The following MAP3K4 variants were observed in gnomAD, a reference collection of about 807,000 sequenced individuals.
The protein encoded by MAP3K4 is MAP three kinase 1.
MAP3K4 carries 67 observed loss-of-function variants against 185.6 expected under a neutral mutation model. The ratio of observed to expected loss-of-function variants is 0.36; its 90% confidence interval spans 0.30 to 0.44. The LOEUF is 0.44. Among genes scored for constraint, MAP3K4 ranks in the 20% least tolerant of loss-of-function variants. The pLI is 1.00. For missense variants in MAP3K4, 1,551 were observed against 1,995.1 expected, an observed-to-expected ratio of 0.78 and a Z score of 4.24; for synonymous variants, 702 against 710.4, an observed-to-expected ratio of 0.99 and a Z score of 0.19.
In MAP3K4 at chr6:161,071,492, G is replaced by T. The variant is rs1562520560; in HGVS notation, c.1950+642G>T. ...TCCCCAAAAGAAGAAAGGTTGGTATGTTTTTTGTAGACTGTACGTGTCTAT... is the reference window on the plus strand; with the variant it reads ...TCCCCAAAAGAAGAAAGGTTGGTATTTTTTTTGTAGACTGTACGTGTCTAT... On this transcript the variant is annotated intron_variant, in intron 4 of 26. Transcript: ENST00000392142. This position sits in a 1 kb window ranked among gnomAD's most constrained non-coding sequence, Gnocchi z 4.6. Among the ~76,000 whole-genome samples, 1 of 152,156 alleles carries T rather than the reference G, an allele frequency of 6.6e-6. No homozygotes were observed. The highest frequency in any genetic ancestry group is 1.9e-4 in the East Asian group (1 of 5,206).
In MAP3K4 at chr6:161,073,700, C is replaced by A. The variant is rs1175263696; in HGVS notation, c.2097+88C>A. The A allele has an allele frequency of 1.6e-5, 22 of 1,334,836 alleles. No homozygotes were observed. The South Asian group carries it at 3.1e-4, about 19-fold the overall frequency. The allele number at this position is 1,334,836 out of a possible 1,614,324, so 82.7% of individuals were successfully genotyped here. A position where few individuals can be genotyped will look rare whatever the true frequency, so the allele number is the denominator to read the frequency against. ...CTGTATTTCCTTGTTTTGCAAACAG[C>A]GTTGGCATACATATTCAGATAAACT... On this transcript the variant is annotated intron_variant, in intron 5 of 26. Coordinates refer to ENST00000392142, the MANE Select transcript of MAP3K4 (RefSeq NM_005922.4). This position sits in a 1 kb window ranked among gnomAD's most constrained non-coding sequence, Gnocchi z 4.2.
intron 1 of MAP3K4, among the ~76,000 whole-genome samples, chr6:161,001,218 AAAT>A (rs1781308494): frequency 6.6e-6 from 1 of 150,624 alleles, no homozygotes; most frequent in African/African-American, 2.4e-5. Flanking sequence ...AATTTACAAA[AAAT>A]ATTTACAAAA....
chr6:161,058,511 T>G (rs1784341093), intron 3 of MAP3K4, among the ~76,000 whole-genome samples: 1 of 152,170 alleles, frequency 6.6e-6, no homozygotes, highest in Non-Finnish European at 1.5e-5. Context: ...ATCTAACACT[T>G]TTTTAAAAAA....
rs1785076369 is a variant in MAP3K4 at position 161,074,371 on chromosome 6, C to T, written c.2097+759C>T. ...TTAACCTCTGTTCACATTCTTCTTT[C>T]CTGTTAGAAATGCCCCCTCCTCCAC... is the stretch of plus-strand genomic sequence containing the variant. On this transcript the variant is annotated intron_variant, in intron 5 of 26. Coordinates refer to ENST00000392142, the MANE Select transcript of MAP3K4 (RefSeq NM_005922.4). This position sits in a 1 kb window ranked among gnomAD's most constrained non-coding sequence, Gnocchi z 5.0. Among the ~76,000 whole-genome samples the T allele has an allele frequency of 6.6e-6, 1 of 152,218 alleles. No individual in the cohort carries two copies. The highest frequency in any genetic ancestry group is 1.5e-5 in the Non-Finnish European group (1 of 68,040).
In MAP3K4 at chr6:161,053,968, A is replaced by G. The variant is rs1004498591; in HGVS notation, c.1707+3989A>G. ...AGATTGTACATAATGCATATTTTGC[A>G]GTTTTTGTGGTTTCGTGATAATAGG... On this transcript the variant is annotated intron_variant, in intron 3 of 26. Coordinates refer to ENST00000392142, the MANE Select transcript of MAP3K4 (RefSeq NM_005922.4). The surrounding 1 kb of genome is among the most constrained non-coding windows in gnomAD (Gnocchi z 4.2). Among the ~76,000 whole-genome samples the G allele has an allele frequency of 2.0e-5, 3 of 152,114 alleles. No individual in the cohort carries two copies. The highest frequency in any genetic ancestry group is 7.2e-5 in the African/African-American group (3 of 41,420).
rs1262016939 is a variant in MAP3K4, at chr6:161,080,860, C to G, written c.2098-21C>G. On this transcript the variant is annotated intron_variant, in intron 5 of 26. Coordinates refer to ENST00000392142, the MANE Select transcript of MAP3K4 (RefSeq NM_005922.4). This position sits in a 1 kb window ranked among gnomAD's most constrained non-coding sequence, Gnocchi z 4.8. ...CCAAGTTCTACTTTCAAATGTCTCCCTTTACTTTTTGTGTTTTAAGGTGTA... is the reference window on the plus strand; with the variant it reads ...CCAAGTTCTACTTTCAAATGTCTCCGTTTACTTTTTGTGTTTTAAGGTGTA... 6.2e-7 allele frequency: 1 copy of G among 1,611,194 alleles called. No individual in the cohort carries two copies. The highest frequency in any genetic ancestry group is 8.5e-7 in the Non-Finnish European group (1 of 1,178,294).
rs778740945 is a variant in MAP3K4, at chr6:161,084,610, G to A, written c.2365G>A (p.Glu789Lys). Residue 789 changes from glutamate to lysine, a missense_variant, in exon 7 of 27, where the codon GAA becomes AAA. By Grantham distance (56) the Glu-to-Lys change is moderately conservative. Transcript: ENST00000392142. This position sits in a 1 kb window ranked among gnomAD's most constrained non-coding sequence, Gnocchi z 4.6. ...TGCGGATGACAGCAGTGCTTCCGAC[G>A]AAATCAGGTTGGAGTTGTGCTTCCT... The part of the protein sequence containing the change: ...TSADDSSASD[E>K]IRRSVIEISR... 18 of 1,584,578 alleles carry A rather than the reference G, an allele frequency of 1.1e-5. No homozygotes were observed. The highest frequency in any genetic ancestry group is 2.2e-5 in the East Asian group (1 of 44,754).
At chr6:161,033,788 G>T (rs1783034471) in intron 1 of MAP3K4, among the ~76,000 whole-genome samples, 1 of 152,152 alleles carries the variant, frequency 6.6e-6, no homozygotes, top group Non-Finnish European at 1.5e-5. Context: ...TCTGTTTTCT[G>T]TGTGTTTCAA....
In MAP3K4 at chr6:161,064,839, A is replaced by T. The variant is rs1784633209; in HGVS notation, c.1708-5769A>T. 6.6e-6 allele frequency among the ~76,000 whole-genome samples: 1 copy of T among 152,184 alleles called. No homozygotes were observed. The highest frequency in any genetic ancestry group is 2.1e-4 in the South Asian group (1 of 4,828). On this transcript the variant is annotated intron_variant, in intron 3 of 26. Coordinates refer to ENST00000392142, the MANE Select transcript of MAP3K4 (RefSeq NM_005922.4). The surrounding 1 kb of genome is among the most constrained non-coding windows in gnomAD (Gnocchi z 4.3). ...TCTGGAGGGTACACGGCACGCCTACAGGCCGCTCATGCAGAGGTCAGGAAG... is the reference window on the plus strand; with the variant it reads ...TCTGGAGGGTACACGGCACGCCTACTGGCCGCTCATGCAGAGGTCAGGAAG...
chr6:161,019,339 CTCTGGTGTTACATT>C (rs1372993523), intron 1 of MAP3K4, among the ~76,000 whole-genome samples: 1 of 152,206 alleles, frequency 6.6e-6, no homozygotes. Context: ...ACTTTTACAT[CTCTGGTGTTACATT>C]TTGGAAACAT....
chr6:161,092,320 GA>G (rs913392728), intron 13 of MAP3K4, among the ~76,000 whole-genome samples, 177 bp downstream of exon 13: 2 of 151,946 alleles, frequency 1.3e-5, no homozygotes, highest in Admixed American at 1.3e-4. Flanking sequence ...TAACTCTTGG[GA>G]AAAAATTTTT....
At chr6:161,047,365 A>G (rs1783780907) in intron 2 of MAP3K4, among the ~76,000 whole-genome samples, 1 of 151,652 alleles carries the variant, frequency 6.6e-6, no homozygotes, top group Non-Finnish European at 1.5e-5. Flanking sequence ...ACTCGAGCCC[A>G]GGAAGTTGAG....
rs1378454643 is a variant in MAP3K4 at position 161,100,189 on chromosome 6, GTGAGTCAC to G, written c.3675-1700_3675-1693del. 7.2e-5 allele frequency among the ~76,000 whole-genome samples: 11 copies of G among 152,144 alleles called. No homozygotes were observed. The highest frequency in any genetic ancestry group is 2.4e-4 in the African/African-American group (10 of 41,438). ...CACAGTGAGCCTGGTTCATGGGCCC[GTGAGTCAC>G]TGGTGGATTCGGCCCACTGCTCCCG... On this transcript the variant is annotated intron_variant, in intron 17 of 26. Coordinates refer to ENST00000392142, the MANE Select transcript of MAP3K4 (RefSeq NM_005922.4). This position sits in a 1 kb window ranked among gnomAD's most constrained non-coding sequence, Gnocchi z 5.8.
rs879782192 is a variant in MAP3K4 at position 161,034,177 on chromosome 6, G to T, written c.153-82G>T. ...TTTTTCTGTACAAAAGTTTTACAAAGAATTATTTAAAAAATTATAAGTAAA... is the reference window on the plus strand; with the variant it reads ...TTTTTCTGTACAAAAGTTTTACAAATAATTATTTAAAAAATTATAAGTAAA... On this transcript the variant is annotated intron_variant, in intron 1 of 26. Coordinates refer to ENST00000392142, the MANE Select transcript of MAP3K4 (RefSeq NM_005922.4). This position sits in a 1 kb window ranked among gnomAD's most constrained non-coding sequence, Gnocchi z 4.4. 1.2e-5 allele frequency: 14 copies of T among 1,143,186 alleles called. No homozygotes were observed. The highest frequency in any genetic ancestry group is 1.6e-5 in the African/African-American group (1 of 63,272). 70.8% of individuals were successfully genotyped at this position (1,143,186 alleles called of 1,614,324 possible).
At chr6:161,102,390 T>A (rs772774965) in intron 18 of MAP3K4, among the ~76,000 whole-genome samples, 2 of 152,214 alleles carry the variant, frequency 1.3e-5, no homozygotes, top group East Asian at 3.8e-4. Flanking sequence ...GGAGTAGGGC[T>A]GGGGCTCCTG....
rs1035498828 is a variant in MAP3K4, at chr6:161,037,764, T to C, written c.343+3315T>C. Reference sequence around the variant, plus strand: ...AACACTTACTACTTTTTTTCTTGACTTAAATCTTAAAGCAAAATTAAATAA... The same window carrying C: ...AACACTTACTACTTTTTTTCTTGACCTAAATCTTAAAGCAAAATTAAATAA... On this transcript the variant is annotated intron_variant, in intron 2 of 26. Transcript: ENST00000392142. This position sits in a 1 kb window ranked among gnomAD's most constrained non-coding sequence, Gnocchi z 4.2. Among the ~76,000 whole-genome samples the C allele has an allele frequency of 6.6e-6, 1 of 152,180 alleles. No homozygotes were observed. The highest frequency in any genetic ancestry group is 2.4e-5 in the African/African-American group (1 of 41,446).
rs1406151555 is a variant in MAP3K4, at chr6:161,076,277, T to C, written c.2097+2665T>C. Among the ~76,000 whole-genome samples, 2 of 152,190 alleles carry C rather than the reference T, an allele frequency of 1.3e-5. No individual in the cohort carries two copies. The highest frequency in any genetic ancestry group is 4.8e-5 in the African/African-American group (2 of 41,450). ...TCTCTCCAGGGATTCTGTTGTTGACTGAAGAGCTGCCCGACAGAAGGAGCG... is the reference window on the plus strand; with the variant it reads ...TCTCTCCAGGGATTCTGTTGTTGACCGAAGAGCTGCCCGACAGAAGGAGCG... On this transcript the variant is annotated intron_variant, in intron 5 of 26. Transcript: ENST00000392142. The surrounding 1 kb of genome is among the most constrained non-coding windows in gnomAD (Gnocchi z 4.2).
At position 161,048,343 on chromosome 6, in the gene MAP3K4, C is replaced by T; in HGVS notation, c.344-273C>T. ...ATGATTTGATAACTATGCTTTGTAGCATAGAGAGAAATAAACAGCTAGTTT... is the reference window on the plus strand; with the variant it reads ...ATGATTTGATAACTATGCTTTGTAGTATAGAGAGAAATAAACAGCTAGTTT... On this transcript the variant is annotated intron_variant, in intron 2 of 26. Transcript: ENST00000392142. The surrounding 1 kb of genome is among the most constrained non-coding windows in gnomAD (Gnocchi z 4.7). The T allele has an allele frequency of 3.2e-6, 2 of 626,248 alleles. No homozygotes were observed. Among genetic ancestry groups the T allele is most frequent in the East Asian group, 3.7e-5 (1 of 26,760 alleles). The allele number at this position is 626,248 out of a possible 1,614,324, so 38.8% of individuals were successfully genotyped here.
chr6:161,008,390 A>G lies in MAP3K4; in HGVS notation c.152+16307A>G, dbSNP rs1186857087. 1.3e-5 allele frequency among the ~76,000 whole-genome samples: 2 copies of G among 152,118 alleles called. No homozygotes were observed. The highest frequency in any genetic ancestry group is 1.3e-4 in the Admixed American group (2 of 15,280). On this transcript the variant is annotated intron_variant, in intron 1 of 26. Transcript: ENST00000392142. This position sits in a 1 kb window ranked among gnomAD's most constrained non-coding sequence, Gnocchi z 4.1. ...TCCTGGAAATATAATTACTATACCA[A>G]AGTGTGTGTGTGTGTAAATATATGT...
Sources: allele counts gnomAD v4.1 joint callset (sites outside exome capture counted in the v4.1 genomes callset), GRCh38; gene constraint gnomAD v4.1.1; non-coding constraint Gnocchi (gnomAD v3.1); transcripts MANE v1.5; gene names NCBI Gene and HGNC (gene_info 2026-07-23, HGNC 2026-07-21).